MGAM: variants seen among roughly 807,000 people sequenced by gnomAD.
MGAM encodes the protein alpha-1,4-glucosidase.
A neutral mutation model predicts 358.8 loss-of-function variants in MGAM; 253 were observed. The ratio of observed to expected loss-of-function variants is 0.71; its 90% CI spans 0.64 to 0.78. The LOEUF is 0.78. MGAM is among the 30% of genes least tolerant of loss of function. The pLI, the probability that MGAM is intolerant of heterozygous loss-of-function variation, is 0.00. For missense variants in MGAM, 3,080 were observed against 3,432.6 expected, an observed-to-expected ratio of 0.90 and a Z score of 2.57; for synonymous variants, 1,105 against 1,227.1, an observed-to-expected ratio of 0.90 and a Z score of 2.08.
At position 142,080,420 on chromosome 7, in the gene MGAM, C is replaced by G. The variant is rs112278735; in HGVS notation, c.5848-371C>G. 4.0e-3 allele frequency among the ~76,000 whole-genome samples: 592 copies of G among 146,416 alleles called. 22 individuals are homozygous for G. The highest frequency in any genetic ancestry group is 0.014 in the African/African-American group (565 of 41,218). On this transcript the variant is annotated intron_variant, in intron 49 of 70. Coordinates refer to ENST00000475668, the MANE Select transcript of MGAM (RefSeq NM_001365693.1). Reference sequence around the variant, plus strand: ...CTGATTATTTTAATCAAATAGATTTCACTTTGGGGAGACACGTTATTTTTC... The same window carrying G: ...CTGATTATTTTAATCAAATAGATTTGACTTTGGGGAGACACGTTATTTTTC...
rs1814054730 is a variant in MGAM at position 142,079,535 on chromosome 7, T to C, written c.5847+527T>C. ...AGATGATATGTTCAGTTTGGGATAC[T>C]GAATTTGAGATACGTATAAAATAGC... On this transcript the variant is annotated intron_variant, in intron 49 of 70. Transcript: ENST00000475668. Among the ~76,000 whole-genome samples the C allele has an allele frequency of 2.1e-5, 3 of 146,182 alleles. No individual in the cohort carries two copies. In the South Asian group the frequency reaches 6.6e-4, roughly 32 times the overall value.
intron 21 of MGAM, 116 bp from the exon 22 acceptor site, chr7:142,047,669 C>T (rs1810516827): frequency 1.1e-6 from 1 of 931,442 alleles, no homozygotes; most frequent in Non-Finnish European, 1.7e-6. Flanking sequence ...TGAAGAAAAG[C>T]AGAACCATCT....
chr7:142,005,437 C>A, intron 1 of MGAM, 92 bp from the exon 2 acceptor site: 1 of 881,260 alleles, frequency 1.1e-6, no homozygotes, highest in Non-Finnish European at 1.7e-6. Context: ...TTATAGTATT[C>A]ATTGCATACA....
At chr7:142,048,032 T>G (rs1423497892) in intron 22 of MGAM, among the ~76,000 whole-genome samples, 159 bp downstream of exon 22, 2 of 152,180 alleles carry the variant, frequency 1.3e-5, no homozygotes, top group African/African-American at 4.8e-5. Context: ...TCAGAGGTAG[T>G]GGTAGATGAC....
rs1024635727 is a variant in MGAM, at chr7:142,087,773, A to T, written c.6810+1056A>T. On this transcript the variant is annotated intron_variant, in intron 57 of 70. Transcript: ENST00000475668. ...TGTAGTGTCTAGATACTCTCTCAGG[A>T]TCAAGTATTAATCAGACAAATATCC... Among the ~76,000 whole-genome samples, 5 of 146,576 alleles carry T rather than the reference A, an allele frequency of 3.4e-5. 1 individual carries two copies. In the East Asian group the frequency reaches 8.0e-4, roughly 23 times the overall value.
In MGAM at chr7:142,042,045, T is replaced by C. The variant is rs1584973521; in HGVS notation, c.2498+1199T>C. On this transcript the variant is annotated intron_variant, in intron 21 of 70. Coordinates refer to ENST00000475668, the MANE Select transcript of MGAM (RefSeq NM_001365693.1). ...TATATATTATATTATATACATATAA[T>C]ATATAATATATATACATATAATATA... 1.4e-4 allele frequency among the ~76,000 whole-genome samples: 6 copies of C among 42,620 alleles called. No homozygotes were observed. The South Asian group carries it at 3.6e-3, about 25-fold the overall frequency. 28.0% of individuals were successfully genotyped at this position (42,620 alleles called of 152,430 possible). A position where few individuals can be genotyped will look rare whatever the true frequency, so the allele number is the denominator to read the frequency against.
In MGAM at chr7:142,050,836, C is replaced by T. The variant is rs1810881591; in HGVS notation, c.2777C>T (p.Pro926Leu). The change falls in exon 24 of 71, where the codon CCT becomes CTT. Residue 926 changes from proline (P) to leucine (L), a missense_variant. Coordinates refer to ENST00000475668, the MANE Select transcript of MGAM (RefSeq NM_001365693.1). ...KHNGVPSQTSPTVTYDSNLKV... is the reference protein window; with the variant it reads ...KHNGVPSQTSLTVTYDSNLKV... ...AATGGTGTCCCAAGTCAGACTTCTCCTACAGTCACTTATGATTCTAACCTG... is the reference window on the plus strand; with the variant it reads ...AATGGTGTCCCAAGTCAGACTTCTCTTACAGTCACTTATGATTCTAACCTG... 1 of 1,613,694 alleles carries T rather than the reference C, an allele frequency of 6.2e-7. No homozygotes were observed. Among genetic ancestry groups the T allele is most frequent in the Non-Finnish European group, 8.5e-7 (1 of 1,179,658 alleles).
rs974252411 is a variant in MGAM, at chr7:142,067,094, G to C, written c.4920-247G>C. On this transcript the variant is annotated intron_variant, in intron 41 of 70. Transcript: ENST00000475668. ...ATCCTCACATTTAAAATGTGCCATGGTTAAGAAATGAGGTAATATTTTACA... is the reference window on the plus strand; with the variant it reads ...ATCCTCACATTTAAAATGTGCCATGCTTAAGAAATGAGGTAATATTTTACA... Among the ~76,000 whole-genome samples the C allele has an allele frequency of 4.8e-5, 7 of 145,944 alleles. 1 individual carries two copies. The highest frequency in any genetic ancestry group is 1.1e-4 in the Non-Finnish European group (7 of 64,482).
intron 41 of MGAM, 24 bp from the exon 42 acceptor site, chr7:142,067,317 G>A: frequency 7.0e-7 from 1 of 1,421,662 alleles, no homozygotes; most frequent in Non-Finnish European, 9.9e-7. Context: ...GGGCTCTGTT[G>A]GGCACCTTCA....
In MGAM at chr7:142,080,808, C is replaced by T. The variant is rs748656628; in HGVS notation, c.5865C>T (p.Asn1955=). Residue 1955 remains asparagine, a synonymous_variant, in exon 50 of 71, where the codon AAC becomes AAT. Transcript: ENST00000475668. Reference sequence around the variant, plus strand: ...TGGCCTAGATTTATGATCCCAACAACAATCGGTATGAAGTTCCAGTCCCTC... The same window carrying T: ...TGGCCTAGATTTATGATCCCAACAATAATCGGTATGAAGTTCCAGTCCCTC... ...MLQFKIYDPN[N]NRYEVPVPLN... is the part of the protein sequence containing the mutation. 1.3e-6 allele frequency: 2 copies of T among 1,555,192 alleles called. No individual in the cohort carries two copies. Among genetic ancestry groups the T allele is most frequent in the South Asian group, 1.1e-5 (1 of 89,086 alleles).
chr7:142,038,555 G>T lies in MGAM; in HGVS notation c.2256G>T (p.Trp752Cys), dbSNP rs1282564332. Residue 752 changes from tryptophan (W) to cysteine (C), a missense_variant, in exon 19 of 71, where the codon TGG becomes TGT. Physicochemically the swap from Trp to Cys is radical, Grantham distance 215. Coordinates refer to ENST00000475668, the MANE Select transcript of MGAM (RefSeq NM_001365693.1). Reference protein sequence around the residue: ...LHEFYEDNSTWDVHQQFLWGP... With the variant: ...LHEFYEDNSTCDVHQQFLWGP... ...GGTTCTACGAGGACAACAGCACTTG[G>T]GATGTGCACCAACAGTTCTTATGGG... 1 of 1,610,936 alleles carries T rather than the reference G, an allele frequency of 6.2e-7. No individual in the cohort carries two copies. Among genetic ancestry groups the T allele is most frequent in the South Asian group, 1.1e-5 (1 of 90,438 alleles).
intron 3 of MGAM, among the ~76,000 whole-genome samples, chr7:142,016,336 A>G (rs1554456145): frequency 2.0e-5 from 3 of 152,172 alleles, no homozygotes; most frequent in Non-Finnish European, 4.4e-5. Flanking sequence ...AAAGTAACAT[A>G]TCTTTCCATC....
chr7:142,028,526 T>G (rs1404245855), intron 10 of MGAM, among the ~76,000 whole-genome samples: 1 of 152,168 alleles, frequency 6.6e-6, no homozygotes, highest in Non-Finnish European at 1.5e-5. Context: ...GAACAAATAC[T>G]GCATGTGACT....
rs1808458983 is a variant in MGAM, at chr7:142,040,858, C to T, written c.2498+12C>T. 14 of 1,588,482 alleles carry T rather than the reference C, an allele frequency of 8.8e-6. No individual in the cohort carries two copies. The highest frequency in any genetic ancestry group is 1.0e-5 in the Non-Finnish European group (12 of 1,170,794). On this transcript the variant is annotated intron_variant, in intron 21 of 70. Coordinates refer to ENST00000475668, the MANE Select transcript of MGAM (RefSeq NM_001365693.1). ...ACCACTCTGGCCAGGTATAGCATGG[C>T]TGGAGTGTCCTTTCAGAATTCATGT... is the stretch of plus-strand genomic sequence containing the variant.
At chr7:142,103,492 G>A in intron 70 of MGAM, 53 bp downstream of exon 70, 2 of 1,455,542 alleles carry the variant, frequency 1.4e-6, no homozygotes, top group South Asian at 3.0e-5. Flanking sequence ...AATATGCCTA[G>A]TGCAGTGCCT....
At chr7:142,008,430 G>C in intron 2 of MGAM, 76 bp from the exon 3 acceptor site, 1 of 1,434,390 alleles carries the variant, frequency 7.0e-7, no homozygotes, top group Non-Finnish European at 9.4e-7. Context: ...GGAGTTAATT[G>C]GAGGTGTTGA....
In MGAM at chr7:142,068,684, G is replaced by T; in HGVS notation, c.5042G>T (p.Arg1681Leu). The T allele has an allele frequency of 6.5e-7, 1 of 1,535,158 alleles. No individual in the cohort carries two copies. The highest frequency in any genetic ancestry group is 9.0e-7 in the Non-Finnish European group (1 of 1,115,650). Residue 1681 changes from arginine (R) to leucine (L), a missense_variant, in exon 43 of 71, where the codon CGT becomes CTT. Transcript: ENST00000475668. ...GTCACTGCATATTTCCCTAGAGCCC[G>T]TTGGTACGATTACTACACGGTAAGT... is the stretch of plus-strand genomic sequence containing the variant. ...RNVTAYFPRA[R>L]WYDYYTGVDI...
chr7:142,021,826 C>A, intron 6 of MGAM, 89 bp downstream of exon 6: 1 of 1,394,676 alleles, frequency 7.2e-7, no homozygotes, highest in Non-Finnish European at 1.0e-6. Context: ...CAACAATATT[C>A]CTGAAGGTTG....
intron 18 of MGAM, 123 bp downstream of exon 18, chr7:142,037,100 A>G (rs1209918546): frequency 3.1e-6 from 3 of 962,920 alleles, no homozygotes; most frequent in Non-Finnish European, 4.7e-6. Context: ...CTGTATCTAT[A>G]TCTGTAATCT....
Sources: gnomAD v4.1 joint callset for allele counts (sites outside exome capture counted in the v4.1 genomes callset) on GRCh38, gnomAD v4.1.1 for gene constraint, MANE v1.5 for transcripts, NCBI Gene and HGNC (gene_info 2026-07-23, HGNC 2026-07-21) for gene names.